The following RALGAPA2 variants were observed in gnomAD, a reference collection of about 807,000 sequenced individuals.
The protein encoded by RALGAPA2 is ral GTPase-activating protein subunit alpha-2.
A neutral mutation model predicts 230.4 loss-of-function variants in RALGAPA2; 139 were observed. That is an observed-to-expected ratio of 0.60 (90% CI 0.53 to 0.69). The LOEUF (loss-of-function observed/expected upper bound fraction) is 0.69, where lower values mean the gene tolerates loss of function less well. Among genes scored for constraint, RALGAPA2 ranks in the 30% least tolerant of loss-of-function variants. RALGAPA2 has a pLI of 0.00. For synonymous variants in RALGAPA2, 847 were observed against 837.8 expected (o/e 1.01, Z -0.19); for missense variants, 2,163 against 2,276.0 (o/e 0.95, Z 1.01).
At chr20:20,634,633 T>C (rs1043470712) in intron 9 of RALGAPA2, among the ~76,000 whole-genome samples, 1 of 152,044 alleles carries the variant, frequency 6.6e-6, no homozygotes, top group African/African-American at 2.4e-5. Context: ...TAGGTCGGAG[T>C]TCTGAGACTT....
chr20:20,649,681 T>C (rs2067329100), intron 4 of RALGAPA2, among the ~76,000 whole-genome samples: 9 of 152,208 alleles, frequency 5.9e-5, no homozygotes, highest in Admixed American at 5.2e-4. Context: ...CAAATAATTA[T>C]TGAGTTCGGG....
chr20:20,566,170 T>G (rs1387258915), intron 23 of RALGAPA2, among the ~76,000 whole-genome samples: 1 of 152,166 alleles, frequency 6.6e-6, no homozygotes, highest in East Asian at 1.9e-4. Flanking sequence ...TACCTTCAAG[T>G]GCCATGTTGG....
At chr20:20,431,189 G>A (rs931911983) in intron 37 of RALGAPA2, among the ~76,000 whole-genome samples, 2 of 152,186 alleles carry the variant, frequency 1.3e-5, no homozygotes, top group Non-Finnish European at 2.9e-5. Context: ...TTCCCAAGAA[G>A]CCATGCCCAG....
chr20:20,607,382 T>C (rs1438418294), intron 14 of RALGAPA2, among the ~76,000 whole-genome samples: 2 of 152,164 alleles, frequency 1.3e-5, no homozygotes, highest in Non-Finnish European at 2.9e-5. Flanking sequence ...GTTAATTATA[T>C]AAAAAACAAG....
At chr20:20,584,756 G>C (rs1373766503) in intron 19 of RALGAPA2, 109 bp downstream of exon 19, 1 of 868,534 alleles carries the variant, frequency 1.2e-6, no homozygotes, top group African/African-American at 1.7e-5. Flanking sequence ...ACTCCAGCCT[G>C]GGCGAAAGAG....
At chr20:20,615,353 G>A (rs1400833531) in intron 13 of RALGAPA2, among the ~76,000 whole-genome samples, 1 of 151,940 alleles carries the variant, frequency 6.6e-6, no homozygotes, top group African/African-American at 2.4e-5. Flanking sequence ...GTAGAGATGG[G>A]GTTTCACCAT....
At position 20,589,281 on chromosome 20, in the gene RALGAPA2, T is replaced by C. The variant is rs2065219123; in HGVS notation, c.2426A>G (p.His809Arg). The C allele has an allele frequency of 2.5e-6, 4 of 1,574,996 alleles. No homozygotes were observed. Among genetic ancestry groups the C allele is most frequent in the African/African-American group, 1.3e-5 (1 of 74,318 alleles). The change falls in exon 18 of 40, where the codon CAT (histidine) becomes CGT (arginine). Residue 809 changes from histidine to arginine, a missense_variant. Physicochemically the swap from His to Arg is conservative, Grantham distance 29. Transcript: ENST00000202677. ...AAAATATCTTACTGTTATTCCTTCA[T>C]GTTCTCTCTTCACATGTCCTTTATT... ...QENKGHVKRE[H>R]EGITILVRRS...
intron 10 of RALGAPA2, among the ~76,000 whole-genome samples, chr20:20,624,978 G>A (rs896324889): frequency 1.3e-5 from 2 of 152,108 alleles, no homozygotes; most frequent in Non-Finnish European, 2.9e-5. Flanking sequence ...CCTTGTGCCT[G>A]CCTTAATCTC....
At chr20:20,419,760 T>A (rs1245272850) in intron 37 of RALGAPA2, among the ~76,000 whole-genome samples, 1 of 152,222 alleles carries the variant, frequency 6.6e-6, no homozygotes, top group Non-Finnish European at 1.5e-5. Flanking sequence ...CTATACATTA[T>A]CCTAGTCTGC....
chr20:20,560,689 G>A (rs1039355518), intron 23 of RALGAPA2, among the ~76,000 whole-genome samples: 2 of 152,146 alleles, frequency 1.3e-5, no homozygotes, highest in African/African-American at 4.8e-5. Flanking sequence ...CTCCAAATGG[G>A]AGTTAATGTA....
At chr20:20,633,527 G>A (rs143156701) in intron 9 of RALGAPA2, among the ~76,000 whole-genome samples, 112 of 152,124 alleles carry the variant, frequency 7.4e-4, no homozygotes, top group African/African-American at 2.6e-3. Flanking sequence ...TCGCTCTGTC[G>A]CCCAGGCTGG....
At chr20:20,403,158 G>A (rs989007849) in intron 38 of RALGAPA2, among the ~76,000 whole-genome samples, 4 of 152,050 alleles carry the variant, frequency 2.6e-5, no homozygotes, top group Admixed American at 6.5e-5. Context: ...TTTCTCCTCA[G>A]TACTCTTCAG....
At chr20:20,690,309 T>C (rs879728298) in intron 1 of RALGAPA2, among the ~76,000 whole-genome samples, 7 of 152,072 alleles carry the variant, frequency 4.6e-5, no homozygotes, top group Non-Finnish European at 1.0e-4. Flanking sequence ...CTCCCCTTGC[T>C]CCTTGCAAGA....
rs2059583447 is a variant in RALGAPA2, at chr20:20,390,302, T to A, written c.*2987A>T. The A allele has an allele frequency of 6.6e-6, 1 of 152,222 alleles. No homozygotes were observed. The highest frequency in any genetic ancestry group is 2.1e-4 in the South Asian group (1 of 4,826). The allele number at this position is 152,222 out of a possible 1,614,324, so 9.4% of individuals were successfully genotyped here. The stretch of plus-strand genomic sequence containing the variant: ...TCACCCCACTTCCCCAACATGTGGC[T>A]CTTAGGAACCGCAGACTTTGTTGCT... On this transcript the variant is annotated 3_prime_UTR_variant, in exon 40 of 40. Transcript: ENST00000202677.
Position 20,650,374 on chromosome 20 carries a change from A to T in RALGAPA2, c.328+3156T>A, listed in dbSNP as rs16982066. 7.2e-3 allele frequency among the ~76,000 whole-genome samples: 1,101 copies of T among 152,322 alleles called. 11 individuals carry two copies. Among genetic ancestry groups the T allele is most frequent in the African/African-American group, 0.025 (1,059 of 41,576 alleles). ...TCAAACTATTTTCTTCCTTCTCAGG[A>T]TAAAATGTGGCTTTCGAGACTCATA... On this transcript the variant is annotated intron_variant, in intron 4 of 39. Coordinates refer to ENST00000202677, the MANE Select transcript of RALGAPA2 (RefSeq NM_020343.4).
intron 36 of RALGAPA2, among the ~76,000 whole-genome samples, chr20:20,490,364 CAAT>C (rs1324190872): frequency 1.3e-5 from 2 of 152,142 alleles, no homozygotes; most frequent in Non-Finnish European, 2.9e-5. Flanking sequence ...ATGCTAATAA[CAAT>C]AATAATAAAT....
chr20:20,408,487 T>G (rs1308093616), intron 38 of RALGAPA2, among the ~76,000 whole-genome samples: 2 of 152,218 alleles, frequency 1.3e-5, no homozygotes, highest in Admixed American at 6.5e-5. Context: ...AAAGCAAAGA[T>G]TTACACTATT....
rs76211829 is a variant in RALGAPA2 at position 20,615,789 on chromosome 20, C to T, written c.1688+254G>A. 2.2e-4 allele frequency among the ~76,000 whole-genome samples: 24 copies of T among 107,346 alleles called. 1 individual carries two copies. The highest frequency in any genetic ancestry group is 6.8e-4 in the African/African-American group (19 of 27,946). 70.4% of individuals were successfully genotyped at this position (107,346 alleles called of 152,430 possible). On this transcript the variant is annotated intron_variant, in intron 13 of 39. Coordinates refer to ENST00000202677, the MANE Select transcript of RALGAPA2 (RefSeq NM_020343.4). ...TGCTTTTCCACAAAACTATGTTTAACGTTTAAAAGGAAAAATCCACTATTA... is the reference window on the plus strand; with the variant it reads ...TGCTTTTCCACAAAACTATGTTTAATGTTTAAAAGGAAAAATCCACTATTA...
chr20:20,449,541 A>G (rs2060941061), intron 37 of RALGAPA2, among the ~76,000 whole-genome samples: 1 of 152,252 alleles, frequency 6.6e-6, no homozygotes, highest in African/African-American at 2.4e-5. Context: ...AGGCTTAGCA[A>G]AAGCAGCTAG....
Sources: gnomAD v4.1 joint callset for allele counts (sites outside exome capture counted in the v4.1 genomes callset) on GRCh38, gnomAD v4.1.1 for gene constraint, MANE v1.5 for transcripts, NCBI Gene and HGNC (gene_info 2026-07-23, HGNC 2026-07-21) for gene names.